ABCA4: variants seen among roughly 807,000 people sequenced by gnomAD.
The protein encoded by ABCA4 is ATP binding cassette subfamily A member 4, also known as retinal-specific phospholipid-transporting ATPase ABCA4.
In ABCA4, 196 loss-of-function variants were observed where a neutral mutation model predicts 263.7. That is an observed-to-expected ratio of 0.74 (90% CI 0.66 to 0.84). The LOEUF (loss-of-function observed/expected upper bound fraction) is 0.84, where lower values mean the gene tolerates loss of function less well. Among genes scored for constraint, ABCA4 ranks in the 40% least tolerant of loss-of-function variants. The pLI is 0.00. For synonymous variants in ABCA4, 1,133 were observed against 1,094.2 expected, an observed-to-expected ratio of 1.04 and a Z score of -0.70; for missense variants, 2,792 against 2,855.1, an observed-to-expected ratio of 0.98 and a Z score of 0.50.
chr1:94,012,950 G>A (rs1659593599), intron 38 of ABCA4, among the ~76,000 whole-genome samples: 1 of 150,036 alleles, frequency 6.7e-6, no homozygotes, highest in Non-Finnish European at 1.5e-5. Context: ...CTTCCTGTGG[G>A]ATACTGGGGG....
intron 11 of ABCA4, among the ~76,000 whole-genome samples, chr1:94,076,977 G>A (rs982660146): frequency 6.6e-5 from 10 of 152,206 alleles, no homozygotes; most frequent in East Asian, 1.9e-4. Context: ...ATGGTCATGC[G>A]TGGGATCTTA....
In ABCA4 at chr1:94,043,424, G is replaced by T. The variant is rs1660574520; in HGVS notation, c.3102C>A (p.Ser1034=). The part of the protein sequence containing the change: ...MLFYAQLKGK[S]QEEAQLEMEA... Reference sequence around the variant, plus strand: ...CCATCTCCAGCTGGGCCTCCTCCTGGGACTTTCCTTTCAGCTGGGCATAGA... The same window carrying T: ...CCATCTCCAGCTGGGCCTCCTCCTGTGACTTTCCTTTCAGCTGGGCATAGA... Residue 1034 remains serine (S), a synonymous_variant, in exon 21 of 50, where the codon TCC becomes TCA. Transcript: ENST00000370225. 6 of 1,614,096 alleles carry T rather than the reference G, an allele frequency of 3.7e-6. No individual in the cohort carries two copies. Among genetic ancestry groups the T allele is most frequent in the Non-Finnish European group, 4.2e-6 (5 of 1,180,014 alleles).
chr1:94,102,110 T>A (rs1662300641), intron 5 of ABCA4, among the ~76,000 whole-genome samples: 1 of 152,136 alleles, frequency 6.6e-6, no homozygotes, highest in Admixed American at 6.5e-5. Flanking sequence ...AGCCTCCTTC[T>A]CTGACCCATC....
rs533868960 is a variant in ABCA4, at chr1:94,051,741, C to T, written c.2588-43G>A. 23 of 1,426,590 alleles carry T rather than the reference C, an allele frequency of 1.6e-5. 1 individual carries two copies. The African/African-American group carries it at 2.1e-4, about 13-fold the overall frequency. 88.4% of individuals were successfully genotyped at this position (1,426,590 alleles called of 1,614,324 possible). A position where few individuals can be genotyped will look rare whatever the true frequency, so the allele number is the denominator to read the frequency against. ...TAAACAGAGAAAGTCGAAGGAGTCT[C>T]CCTATCCTACCTTACCGCAGTTCTA... On this transcript the variant is annotated intron_variant, in intron 16 of 49. Transcript: ENST00000370225.
At chr1:94,072,605 T>G (rs1356452749) in intron 11 of ABCA4, among the ~76,000 whole-genome samples, 1 of 152,190 alleles carries the variant, frequency 6.6e-6, no homozygotes, top group Non-Finnish European at 1.5e-5. Flanking sequence ...TATATGTGAA[T>G]AAAGACACAT....
chr1:94,002,008 A>G lies in ABCA4; in HGVS notation c.6148-16T>C. The G allele has an allele frequency of 9.9e-6, 16 of 1,614,184 alleles. No individual in the cohort carries two copies. Among genetic ancestry groups the G allele is most frequent in the Non-Finnish European group, 1.4e-5 (16 of 1,180,034 alleles). On this transcript the variant is annotated splice_polypyrimidine_tract_variant and intron_variant, in intron 44 of 49. Transcript: ENST00000370225. Reference sequence around the variant, plus strand: ...AGTTTGCAACCTAGGGAAGAGAAAGAAATGCCATTTGGAGAAGACAAGCAA... The same window carrying G: ...AGTTTGCAACCTAGGGAAGAGAAAGGAATGCCATTTGGAGAAGACAAGCAA...
chr1:94,097,173 T>C (rs1189443352), intron 6 of ABCA4, among the ~76,000 whole-genome samples: 1 of 152,218 alleles, frequency 6.6e-6, no homozygotes, highest in Non-Finnish European at 1.5e-5. Flanking sequence ...AAGAGACCTT[T>C]TCTGGGGTCC....
chr1:94,008,822 C>A lies in ABCA4; in HGVS notation c.5764G>T (p.Ala1922Ser), dbSNP rs1436257994. The part of the protein sequence containing the change: ...EPIVDEDDDV[A>S]EERQRIITGG... The stretch of plus-strand genomic sequence containing the variant: ...GTAATAATTCTTTGTCTTTCTTCAG[C>A]CACATCATCATCTTCATCAACAATG... The change falls in exon 41 of 50, where the codon GCT becomes TCT. Residue 1922 changes from alanine (A) to serine (S), a missense_variant. Coordinates refer to ENST00000370225, the MANE Select transcript of ABCA4 (RefSeq NM_000350.3). 1 of 1,613,614 alleles carries A rather than the reference C, an allele frequency of 6.2e-7. No homozygotes were observed. The highest frequency in any genetic ancestry group is 8.5e-7 in the Non-Finnish European group (1 of 1,179,956).
At chr1:94,037,403 CTG>C in intron 24 of ABCA4, 53 bp from the exon 25 acceptor site, 2 of 1,554,014 alleles carry the variant, frequency 1.3e-6, no homozygotes, top group South Asian at 1.1e-5. Context: ...AACTGGAAGA[CTG>C]TGAGGTTACC....
chr1:93,999,855 C>G (rs11165060), intron 47 of ABCA4, among the ~76,000 whole-genome samples: 1 of 152,122 alleles, frequency 6.6e-6, no homozygotes, highest in South Asian at 2.1e-4. Flanking sequence ...AGCAGTTGGA[C>G]ACAGGAAGTT....
intron 4 of ABCA4, among the ~76,000 whole-genome samples, chr1:94,104,970 C>T (rs1662388624): frequency 6.6e-6 from 1 of 151,920 alleles, no homozygotes; most frequent in African/African-American, 2.4e-5. Flanking sequence ...CACACGCATG[C>T]ACACACATGC....
At chr1:94,061,134 C>G (rs1011183273) in intron 13 of ABCA4, among the ~76,000 whole-genome samples, 84 of 152,124 alleles carry the variant, frequency 5.5e-4, no homozygotes, top group African/African-American at 1.7e-3. Context: ...CACTGAAACC[C>G]AAGAGGGTGG....
chr1:94,104,909 C>T (rs1441855264), intron 4 of ABCA4, among the ~76,000 whole-genome samples: 1 of 152,140 alleles, frequency 6.6e-6, no homozygotes, highest in East Asian at 1.9e-4. Context: ...CCTTCATACA[C>T]AGCCTTGTAC....
rs1379081387 is a variant in ABCA4 at position 94,010,856 on chromosome 1, C to T, written c.5658G>A (p.Gly1886=). Reference sequence around the variant, plus strand: ...GCAGGGTCAGGAGGAAGTACACCACCCCTTCCACCACCATGGCAAACAGGT... The same window carrying T: ...GCAGGGTCAGGAGGAAGTACACCACTCCTTCCACCACCATGGCAAACAGGT... ...GKNLFAMVVE[G]VVYFLLTLLV... The change falls in exon 40 of 50, where the codon GGG becomes GGA. Residue 1886 remains glycine, a synonymous_variant. Transcript: ENST00000370225. 6.2e-7 allele frequency: 1 copy of T among 1,614,076 alleles called. No homozygotes were observed. Among genetic ancestry groups the T allele is most frequent in the South Asian group, 1.1e-5 (1 of 91,078 alleles).
chr1:94,010,413 A>G (rs1017438644), intron 40 of ABCA4, among the ~76,000 whole-genome samples: 1 of 152,216 alleles, frequency 6.6e-6, no homozygotes, highest in Non-Finnish European at 1.5e-5. Flanking sequence ...ATCTCTAATT[A>G]GCAAAGGGGC....
At chr1:94,032,341 A>G (rs1660228821) in intron 26 of ABCA4, among the ~76,000 whole-genome samples, 1 of 152,174 alleles carries the variant, frequency 6.6e-6, no homozygotes, top group Admixed American at 6.5e-5. Context: ...CTTGGTTAAT[A>G]AAAAAACAAA....
chr1:94,001,891 G>C lies in ABCA4; in HGVS notation c.6249C>G (p.Ile2083Met), dbSNP rs1801359. The C allele has an allele frequency of 1.9e-6, 3 of 1,614,096 alleles. No individual in the cohort carries two copies. In the East Asian group the frequency reaches 6.7e-5, roughly 36 times the overall value. The change falls in exon 45 of 50, where the codon ATC becomes ATG. Residue 2083 changes from isoleucine (I) to methionine (M), a missense_variant. Transcript: ENST00000370225. ...GGNKRKLSTA[I>M]ALIGCPPLVL... The stretch of plus-strand genomic sequence containing the variant: ...CCAGCGGTGGGCAGCCAATGAGTGC[G>C]ATGGCTGTGGAGAGTTTCCGCTTGT...
chr1:94,083,335 A>C lies in ABCA4; in HGVS notation c.858+17T>G, dbSNP rs1661749070. On this transcript the variant is annotated intron_variant, in intron 7 of 49. Coordinates refer to ENST00000370225, the MANE Select transcript of ABCA4 (RefSeq NM_000350.3). Reference sequence around the variant, plus strand: ...AAGACATAATGAAATTATAATTACTACCATCAGGCTACTCACCTCTTGAAT... The same window carrying C: ...AAGACATAATGAAATTATAATTACTCCCATCAGGCTACTCACCTCTTGAAT... 6.4e-7 allele frequency: 1 copy of C among 1,553,726 alleles called. No homozygotes were observed. Among genetic ancestry groups the C allele is most frequent in the Non-Finnish European group, 8.9e-7 (1 of 1,126,460 alleles).
chr1:94,001,659 TG>T (rs1571242681), intron 45 of ABCA4, 198 bp downstream of exon 45: 1 of 781,524 alleles, frequency 1.3e-6, no homozygotes, highest in Non-Finnish European at 2.2e-6. Context: ...AAGTCAAGGC[TG>T]TGCCGTGACT....
Sources: allele counts gnomAD v4.1 joint callset (sites outside exome capture counted in the v4.1 genomes callset), GRCh38; gene constraint gnomAD v4.1.1; transcripts MANE v1.5; gene names NCBI Gene and HGNC (gene_info 2026-07-23, HGNC 2026-07-21).